Variants in CCDC85C observed in about 807,000 individuals in gnomAD.
The protein encoded by CCDC85C is coiled-coil domain-containing protein 85C.
CCDC85C carries 18 observed loss-of-function variants against 38.3 expected under a neutral mutation model. The ratio of observed to expected loss-of-function variants is 0.47; its 90% confidence interval spans 0.33 to 0.70. CCDC85C has a LOEUF of 0.70. CCDC85C is among the 30% of genes least tolerant of loss of function. The probability of loss-of-function intolerance (pLI) is 0.03; values close to 1 mark genes in which losing one functional copy is unlikely to be tolerated. For synonymous variants in CCDC85C, 264 were observed against 293.8 expected (o/e 0.90, Z 1.04); for missense variants, 566 against 621.2 (o/e 0.91, Z 0.94).
chr14:99,596,013 C>G (rs2055139117), intron 1 of CCDC85C, among the ~76,000 whole-genome samples: 1 of 152,254 alleles, frequency 6.6e-6, no homozygotes, highest in Non-Finnish European at 1.5e-5. Flanking sequence ...GATGAAGAGA[C>G]AGTAATGACA....
intron 1 of CCDC85C, among the ~76,000 whole-genome samples, chr14:99,549,475 C>T (rs1484265416): frequency 6.6e-6 from 1 of 152,202 alleles, no homozygotes; most frequent in Admixed American, 6.5e-5. Context: ...CACCCACCAG[C>T]ACACAGAGGC....
chr14:99,514,655 T>G lies in CCDC85C; in HGVS notation c.*591A>C, dbSNP rs1897191835. ...CAGATCCCCAGGTGTGAGGGCACCC[T>G]GACCTCCAAGGCTGAGGGTCACAGG... On this transcript the variant is annotated 3_prime_UTR_variant, in exon 6 of 6. Coordinates refer to ENST00000380243, the MANE Select transcript of CCDC85C (RefSeq NM_001144995.2). The G allele has an allele frequency of 6.5e-6, 1 of 153,278 alleles. No individual in the cohort carries two copies. The highest frequency in any genetic ancestry group is 1.5e-5 in the Non-Finnish European group (1 of 68,826). 9.5% of individuals were successfully genotyped at this position (153,278 alleles called of 1,614,324 possible).
chr14:99,565,625 G>C (rs529210275), intron 1 of CCDC85C, among the ~76,000 whole-genome samples: 1 of 152,330 alleles, frequency 6.6e-6, no homozygotes, highest in East Asian at 1.9e-4. Flanking sequence ...AGCGGGGGCA[G>C]GCTGCATGGG....
At chr14:99,589,892 C>T (rs1051383521) in intron 1 of CCDC85C, among the ~76,000 whole-genome samples, 3 of 152,254 alleles carry the variant, frequency 2.0e-5, no homozygotes, top group African/African-American at 4.8e-5. Flanking sequence ...TGACCCCCTC[C>T]ACCGCAGCCA....
intron 1 of CCDC85C, among the ~76,000 whole-genome samples, chr14:99,563,802 A>G (rs1006459814): frequency 2.0e-5 from 3 of 152,150 alleles, no homozygotes; most frequent in Non-Finnish European, 4.4e-5. Flanking sequence ...GCAGGAAGGA[A>G]TAAATTCACT....
chr14:99,504,108 G>A lies in CCDC85C; in HGVS notation c.*11138C>T. 1 of 371,508 alleles carries A rather than the reference G, an allele frequency of 2.7e-6. No individual in the cohort carries two copies. 23.0% of individuals were successfully genotyped at this position (371,508 alleles called of 1,614,324 possible). A position where few individuals can be genotyped will look rare whatever the true frequency, so the allele number is the denominator to read the frequency against. Reference sequence around the variant, plus strand: ...CTCTTTGAAACACACTTGGGTTGAGGTGCTGTCACATGTCTAGAACCCAAA... The same window carrying A: ...CTCTTTGAAACACACTTGGGTTGAGATGCTGTCACATGTCTAGAACCCAAA... On this transcript the variant is annotated 3_prime_UTR_variant, in exon 6 of 6. Coordinates refer to ENST00000380243, the MANE Select transcript of CCDC85C (RefSeq NM_001144995.2).
intron 1 of CCDC85C, among the ~76,000 whole-genome samples, chr14:99,580,450 T>C (rs2054955345): frequency 1.2e-5 from 1 of 86,174 alleles, no homozygotes; most frequent in Non-Finnish European, 2.2e-5. Flanking sequence ...GCTGGAGACA[T>C]GAGGGACGTC....
intron 1 of CCDC85C, among the ~76,000 whole-genome samples, chr14:99,543,811 T>C (rs988516938): frequency 2.6e-5 from 4 of 152,122 alleles, no homozygotes; most frequent in African/African-American, 7.2e-5. Flanking sequence ...GCATTATTTA[T>C]GGATGAAGGC....
intron 2 of CCDC85C, among the ~76,000 whole-genome samples, chr14:99,525,067 A>G (rs1339495015): frequency 2.0e-5 from 3 of 152,224 alleles, no homozygotes; most frequent in Non-Finnish European, 4.4e-5. Context: ...AGAGGGCAGC[A>G]TGAGTGTCCT....
rs746584304 is a variant in CCDC85C at position 99,547,885 on chromosome 14, T to TAC, written c.794-11799_794-11798dup. ...ATACACACACATATATATACATATA[T>TAC]ACACACACACACACATATATACACA... On this transcript the variant is annotated intron_variant, in intron 1 of 5. Transcript: ENST00000380243. Among the ~76,000 whole-genome samples, 1,185 of 151,636 alleles carry TAC rather than the reference T, an allele frequency of 7.8e-3. 6 individuals carry two copies. Among genetic ancestry groups the TAC allele is most frequent in the African/African-American group, 0.024 (1,006 of 41,330 alleles).
intron 1 of CCDC85C, among the ~76,000 whole-genome samples, chr14:99,540,774 C>T (rs551153105): frequency 6.6e-6 from 1 of 152,220 alleles, no homozygotes; most frequent in Non-Finnish European, 1.5e-5. Flanking sequence ...CCCCTCACCC[C>T]GCCCTCTTCA....
chr14:99,602,946 G>T (rs1033654887), intron 1 of CCDC85C, among the ~76,000 whole-genome samples: 8 of 152,284 alleles, frequency 5.3e-5, no homozygotes, highest in Middle Eastern at 3.4e-3. Flanking sequence ...CAGGTTCTGA[G>T]CTGGACAAAA....
At position 99,510,284 on chromosome 14, in the gene CCDC85C, G is replaced by A. The variant is rs570991146; in HGVS notation, c.*4962C>T. 6.6e-5 allele frequency: 57 copies of A among 858,290 alleles called. 1 individual carries two copies. Among genetic ancestry groups the A allele is most frequent in the South Asian group, 4.4e-4 (24 of 54,342 alleles). The allele number at this position is 858,290 out of a possible 1,614,324, so 53.2% of individuals were successfully genotyped here. A position where few individuals can be genotyped will look rare whatever the true frequency, so the allele number is the denominator to read the frequency against. On this transcript the variant is annotated 3_prime_UTR_variant, in exon 6 of 6. Coordinates refer to ENST00000380243, the MANE Select transcript of CCDC85C (RefSeq NM_001144995.2). ...CGGCCCCTGTGCACCAGCCACCGCCGCTGCCACACCGGCCCCCGCCCCCAC... is the reference window on the plus strand; with the variant it reads ...CGGCCCCTGTGCACCAGCCACCGCCACTGCCACACCGGCCCCCGCCCCCAC...
chr14:99,510,751 G>C lies in CCDC85C; in HGVS notation c.*4495C>G, dbSNP rs368703834. Reference sequence around the variant, plus strand: ...CCCCCACCCGGCATGCCTCCAGTTGGGGGGCTGGGGCGGGCAGCCTGGATG... The same window carrying C: ...CCCCCACCCGGCATGCCTCCAGTTGCGGGGCTGGGGCGGGCAGCCTGGATG... On this transcript the variant is annotated 3_prime_UTR_variant, in exon 6 of 6. Transcript: ENST00000380243. 268 of 1,456,694 alleles carry C rather than the reference G, an allele frequency of 1.8e-4. No individual in the cohort carries two copies. The African/African-American group carries it at 2.8e-3, about 15-fold the overall frequency. The allele number at this position is 1,456,694 out of a possible 1,614,324, so 90.2% of individuals were successfully genotyped here. A position where few individuals can be genotyped will look rare whatever the true frequency, so the allele number is the denominator to read the frequency against.
rs1897225774 is a variant in CCDC85C, at chr14:99,516,382, C to T, written c.1072-96G>A. ...GATCCTCAGCCTCCCCTGCTGCGAA[C>T]CAAAGCTGAGGACCCTGAGCCGCTG... On this transcript the variant is annotated intron_variant, in intron 4 of 5. Transcript: ENST00000380243. This position sits in a 1 kb window ranked among gnomAD's most constrained non-coding sequence, Gnocchi z 5.5. 2.2e-6 allele frequency: 2 copies of T among 926,522 alleles called. No individual in the cohort carries two copies. Among genetic ancestry groups the T allele is most frequent in the African/African-American group, 3.3e-5 (2 of 61,062 alleles). The allele number at this position is 926,522 out of a possible 1,614,324, so 57.4% of individuals were successfully genotyped here. A position where few individuals can be genotyped will look rare whatever the true frequency, so the allele number is the denominator to read the frequency against.
In CCDC85C at chr14:99,567,441, C is replaced by G. The variant is rs1595090439; in HGVS notation, c.794-31353G>C. Among the ~76,000 whole-genome samples the G allele has an allele frequency of 3.3e-5, 5 of 152,258 alleles. No homozygotes were observed. The South Asian group carries it at 1.0e-3, about 32-fold the overall frequency. ...GACCCCATCAGGGCACCTGCAGTTT[C>G]CTAAAGAGCTTGGTAAGGCTGTGTT... is the stretch of plus-strand genomic sequence containing the variant. On this transcript the variant is annotated intron_variant, in intron 1 of 5. Transcript: ENST00000380243.
intron 3 of CCDC85C, among the ~76,000 whole-genome samples, chr14:99,521,594 G>A (rs1359859788): frequency 6.6e-6 from 1 of 152,214 alleles, no homozygotes; most frequent in Non-Finnish European, 1.5e-5. Context: ...AAGGCCCCCA[G>A]TCCTAGGAGG....
At position 99,502,350 on chromosome 14, in the gene CCDC85C, A is replaced by G; in HGVS notation, c.*12896T>C. On this transcript the variant is annotated 3_prime_UTR_variant, in exon 6 of 6. Transcript: ENST00000380243. ...AGGAGATGGTGGGAGCAGTTTGTTC[A>G]AGATGTCCCGGTCGACGTTTTGGAA... 1 of 1,613,780 alleles carries G rather than the reference A, an allele frequency of 6.2e-7. No homozygotes were observed. The highest frequency in any genetic ancestry group is 8.5e-7 in the Non-Finnish European group (1 of 1,179,822).
At chr14:99,551,290 C>G (rs1217682765) in intron 1 of CCDC85C, among the ~76,000 whole-genome samples, 3 of 152,132 alleles carry the variant, frequency 2.0e-5, no homozygotes, top group Non-Finnish European at 4.4e-5. Context: ...CTGCCAGAGG[C>G]CACACGGGAT....
Sources: allele counts gnomAD v4.1 joint callset (sites outside exome capture counted in the v4.1 genomes callset), GRCh38; gene constraint gnomAD v4.1.1; non-coding constraint Gnocchi (gnomAD v3.1); transcripts MANE v1.5; gene names NCBI Gene and HGNC (gene_info 2026-07-23, HGNC 2026-07-21).